Variants in ZNF728 observed in about 807,000 individuals in gnomAD.
ZNF728 encodes the protein zinc finger protein 728.
A neutral mutation model predicts 12.5 loss-of-function variants in ZNF728; 12 were observed. That is an observed-to-expected ratio of 0.96 (90% confidence interval 0.61 to 1.55). ZNF728 has a LOEUF of 1.55. Among genes scored for constraint, ZNF728 ranks in the 40% most tolerant of loss-of-function variants. The probability of loss-of-function intolerance (pLI) is 0.00; values close to 1 mark genes in which losing one functional copy is unlikely to be tolerated. For missense variants in ZNF728, 692 were observed against 719.2 expected, an observed-to-expected ratio of 0.96 and a Z score of 0.43; for synonymous variants, 205 against 240.7, an observed-to-expected ratio of 0.85 and a Z score of 1.37.
At chr19:22,983,660 G>A (rs184269370) in intron 3 of ZNF728, among the ~76,000 whole-genome samples, 32 of 152,248 alleles carry the variant, frequency 2.1e-4, no homozygotes, top group Non-Finnish European at 3.5e-4. Flanking sequence ...TATATACCAC[G>A]GAATACTATG....
Position 22,975,220 on chromosome 19 carries a change from A to AC in ZNF728, c.*247dup, listed in dbSNP as rs1968779906. ...TTAGAGGCTTTCCCACATTCTTCACACGTGTATGGTTTCTCTCCAGTATGA... is the reference window on the plus strand; with the variant it reads ...TTAGAGGCTTTCCCACATTCTTCACACCGTGTATGGTTTCTCTCCAGTATGA... On this transcript the variant is annotated 3_prime_UTR_variant, in exon 4 of 4. Coordinates refer to ENST00000594710, the MANE Select transcript of ZNF728 (RefSeq NM_001267716.2). 6.6e-6 allele frequency among the ~76,000 whole-genome samples: 1 copy of AC among 152,196 alleles called. No homozygotes were observed. The highest frequency in any genetic ancestry group is 6.5e-5 in the Admixed American group (1 of 15,268).
intron 1 of ZNF728, chr19:22,994,909 AC>A (rs1969032168): frequency 6.6e-6 from 1 of 152,656 alleles, no homozygotes; most frequent in Non-Finnish European, 1.5e-5. Flanking sequence ...CACAGGGCTC[AC>A]AGCTGGAAAC....
In ZNF728 at chr19:22,975,726, T is replaced by C. The variant is rs1187496104; in HGVS notation, c.1611A>G (p.Lys537=). 1 of 1,611,728 alleles carries C rather than the reference T, an allele frequency of 6.2e-7. No individual in the cohort carries two copies. The highest frequency in any genetic ancestry group is 1.3e-5 in the African/African-American group (1 of 74,992). ...KVIHTGEKQY[K]CEECGKAFIW... is the part of the protein sequence containing the mutation. Reference sequence around the variant, plus strand: ...TGAAGGCTTTGCCACATTCTTCACATTTGTATTGTTTCTCTCCAGTATGAA... The same window carrying C: ...TGAAGGCTTTGCCACATTCTTCACACTTGTATTGTTTCTCTCCAGTATGAA... The change falls in exon 4 of 4, where the codon AAA becomes AAG. Residue 537 remains lysine, a synonymous_variant. Coordinates refer to ENST00000594710, the MANE Select transcript of ZNF728 (RefSeq NM_001267716.2).
intron 1 of ZNF728, among the ~76,000 whole-genome samples, chr19:22,996,548 T>G (rs1969051794): frequency 6.6e-6 from 1 of 152,188 alleles, no homozygotes; most frequent in Non-Finnish European, 1.5e-5. Flanking sequence ...TGCTCAACTT[T>G]TTTATGCTCT....
At chr19:23,002,347 T>C (rs1041159076) in intron 1 of ZNF728, among the ~76,000 whole-genome samples, 5 of 152,136 alleles carry the variant, frequency 3.3e-5, no homozygotes, top group African/African-American at 1.2e-4. Context: ...TTTTTGTAAA[T>C]TACTATATTG....
chr19:22,980,303 A>C (rs1020346933), intron 3 of ZNF728, among the ~76,000 whole-genome samples: 3 of 152,168 alleles, frequency 2.0e-5, no homozygotes, highest in Non-Finnish European at 2.9e-5. Context: ...CATAATGGTA[A>C]AGGGGTCAAT....
At position 22,980,205 on chromosome 19, in the gene ZNF728, A is replaced by G. The variant is rs527677451; in HGVS notation, c.227-3095T>C. On this transcript the variant is annotated intron_variant, in intron 3 of 3. Coordinates refer to ENST00000594710, the MANE Select transcript of ZNF728 (RefSeq NM_001267716.2). ...GAAAGCAAAAAAAAAAAAGAAACAA[A>G]AAAAAAAAAAACAGGGGTTGCAATC... Among the ~76,000 whole-genome samples, 9 of 88,266 alleles carry G rather than the reference A, an allele frequency of 1.0e-4. No individual in the cohort carries two copies. In the East Asian group the frequency reaches 2.1e-3, roughly 20 times the overall value. 57.9% of individuals were successfully genotyped at this position (88,266 alleles called of 152,430 possible).
intron 3 of ZNF728, among the ~76,000 whole-genome samples, chr19:22,979,664 T>C (rs897396550): frequency 1.3e-5 from 2 of 152,186 alleles, no homozygotes; most frequent in African/African-American, 4.8e-5. Context: ...AGTGGATCTC[T>C]CTGCAGAAAC....
chr19:22,994,384 A>G (rs760489808), intron 1 of ZNF728, among the ~76,000 whole-genome samples: 4 of 152,230 alleles, frequency 2.6e-5, no homozygotes, highest in Non-Finnish European at 5.9e-5. Context: ...CAGGATTTGG[A>G]AAATATAATT....
chr19:22,994,163 T>C (rs1216860709), intron 1 of ZNF728, among the ~76,000 whole-genome samples: 3 of 152,140 alleles, frequency 2.0e-5, no homozygotes, highest in Non-Finnish European at 4.4e-5. Flanking sequence ...ATCTGACCAA[T>C]GAAGTCTGTA....
intron 2 of ZNF728, 147 bp downstream of exon 2, chr19:22,988,177 CA>C: frequency 7.0e-7 from 1 of 1,424,654 alleles, no homozygotes. Context: ...TCACTAGAAG[CA>C]AAGAGCCCCC....
rs1968784165 is a variant in ZNF728 at position 22,975,555 on chromosome 19, A to C, written c.1782T>G (p.Cys594Trp). 1 of 1,588,026 alleles carries C rather than the reference A, an allele frequency of 6.3e-7. No homozygotes were observed. The highest frequency in any genetic ancestry group is 1.4e-5 in the African/African-American group (1 of 73,990). The change falls in exon 4 of 4, where the codon TGT becomes TGG. Residue 594 changes from cysteine to tryptophan, a missense_variant. By Grantham distance (215) the Cys-to-Trp change is radical. Around this residue, in one of 3 missense-constraint regions of ZNF728, gnomAD observed 244 missense variants for 235.2 expected, o/e 1.04. Transcript: ENST00000594710. ...KIHAGKKFYK[C>W]EECGKDFNQS... ...GGTTGAAGTCTTTACCACATTCTTC[A>C]CATTTGTAGAATTTCTTTCCAGCAT...
At position 22,988,553 on chromosome 19, in the gene ZNF728, A is replaced by C. The variant is rs1325318366; in HGVS notation, c.4-102T>G. On this transcript the variant is annotated intron_variant, in intron 1 of 3. Transcript: ENST00000594710. ...GAAAGAGTAAAAAGAGCTCATTCTGACTTACAGGAGTGACTGAAATCATTC... is the reference window on the plus strand; with the variant it reads ...GAAAGAGTAAAAAGAGCTCATTCTGCCTTACAGGAGTGACTGAAATCATTC... The C allele has an allele frequency of 1.6e-5, 25 of 1,516,362 alleles. No individual in the cohort carries two copies. In the Admixed American group the frequency reaches 4.7e-4, roughly 28 times the overall value. 93.9% of individuals were successfully genotyped at this position (1,516,362 alleles called of 1,614,324 possible). A position where few individuals can be genotyped will look rare whatever the true frequency, so the allele number is the denominator to read the frequency against.
At chr19:22,983,472 G>C (rs570235207) in intron 3 of ZNF728, among the ~76,000 whole-genome samples, 2 of 152,312 alleles carry the variant, frequency 1.3e-5, no homozygotes, top group East Asian at 3.9e-4. Context: ...TCTAGAACTA[G>C]AAATACCATT....
At chr19:23,002,638 TAGG>T (rs1222701719) in intron 1 of ZNF728, among the ~76,000 whole-genome samples, 1 of 152,178 alleles carries the variant, frequency 6.6e-6, no homozygotes, top group Non-Finnish European at 1.5e-5. Context: ...AAATTTTTAA[TAGG>T]AGAAAACAGG....
At chr19:22,999,798 C>G (rs1270035129) in intron 1 of ZNF728, among the ~76,000 whole-genome samples, 2 of 151,896 alleles carry the variant, frequency 1.3e-5, no homozygotes. Flanking sequence ...CTAGGAGGTA[C>G]CAAATTTCAT....
intron 3 of ZNF728, among the ~76,000 whole-genome samples, chr19:22,980,752 A>C (rs1968853182): frequency 6.6e-6 from 1 of 152,232 alleles, no homozygotes; most frequent in Non-Finnish European, 1.5e-5. Flanking sequence ...ATGGAAACGG[A>C]ACAACCTGCT....
intron 1 of ZNF728, 80 bp from the exon 2 acceptor site, chr19:22,988,531 A>G (rs1289746986): frequency 1.9e-6 from 3 of 1,570,620 alleles, no homozygotes; most frequent in Non-Finnish European, 2.6e-6. Context: ...TAAAATGGAA[A>G]GAGTAAAAAG....
Position 22,975,260 on chromosome 19 carries a change from A to G in ZNF728, c.*208T>C, listed in dbSNP as rs1968780433. Among the ~76,000 whole-genome samples the G allele has an allele frequency of 1.3e-5, 2 of 152,142 alleles. No individual in the cohort carries two copies. Among genetic ancestry groups the G allele is most frequent in the Admixed American group, 1.3e-4 (2 of 15,270 alleles). On this transcript the variant is annotated 3_prime_UTR_variant, in exon 4 of 4. Transcript: ENST00000594710. ...CTCCAGTATGAGTTGTCTTGTACGTAGTAAGCCTTAAGGACTGATTAAAGG... is the reference window on the plus strand; with the variant it reads ...CTCCAGTATGAGTTGTCTTGTACGTGGTAAGCCTTAAGGACTGATTAAAGG...
Sources: gnomAD v4.1 joint callset for allele counts (sites outside exome capture counted in the v4.1 genomes callset) on GRCh38, gnomAD v4.1.1 for gene constraint, gnomAD v4.1.1 regional missense constraint, MANE v1.5 for transcripts, NCBI Gene and HGNC (gene_info 2026-07-23, HGNC 2026-07-21) for gene names.